The following SYTL3 variants were observed in gnomAD, a reference collection of about 807,000 sequenced individuals.
SYTL3 encodes synaptotagmin like 3.
In SYTL3, 88 loss-of-function variants were observed where a neutral mutation model predicts 82.1. The ratio of observed to expected loss-of-function variants is 1.07; its 90% CI spans 0.90 to 1.28. The LOEUF is 1.28. Among genes scored for constraint, SYTL3 ranks in the 50% most tolerant of loss-of-function variants. SYTL3 has a pLI of 0.00. For missense variants in SYTL3, 831 were observed against 757.6 expected (o/e 1.10, Z -1.14); for synonymous variants, 311 against 289.4 (o/e 1.07, Z -0.76).
chr6:158,725,316 TGTGTGTGTGC>T (rs1323021462), intron 10 of SYTL3, among the ~76,000 whole-genome samples, 177 bp from the exon 11 acceptor site: 1 of 151,798 alleles, frequency 6.6e-6, no homozygotes, highest in Non-Finnish European at 1.5e-5. Context: ...GCGTGTGTGG[TGTGTGTGTGC>T]GTGTGTGTGT....
rs1029757485 is a variant in SYTL3, at chr6:158,760,535, G to T, written c.1309-105G>T. ...CCTGCTCCACCCAGGGCCTTGCAGG[G>T]GCCAGGGGGAAGCATCTGTGGACGA... On this transcript the variant is annotated intron_variant, in intron 14 of 17. Transcript: ENST00000611299. The T allele has an allele frequency of 4.8e-5, 45 of 945,746 alleles. 1 individual carries two copies. The highest frequency in any genetic ancestry group is 6.5e-5 in the Non-Finnish European group (38 of 584,576). 58.6% of individuals were successfully genotyped at this position (945,746 alleles called of 1,614,324 possible). A position where few individuals can be genotyped will look rare whatever the true frequency, so the allele number is the denominator to read the frequency against.
At chr6:158,750,152 A>G (rs1336500495) in intron 12 of SYTL3, among the ~76,000 whole-genome samples, 1 of 152,262 alleles carries the variant, frequency 6.6e-6, no homozygotes, top group Non-Finnish European at 1.5e-5. Context: ...GGAAGAATGT[A>G]TACAGAATGA....
At chr6:158,701,174 A>ACTGTCTGGG (rs1174100414) in intron 6 of SYTL3, among the ~76,000 whole-genome samples, 3 of 129,536 alleles carry the variant, frequency 2.3e-5, no homozygotes, top group Non-Finnish European at 3.3e-5. Flanking sequence ...TAGATGAAGG[A>ACTGTCTGGG]GGTGAGCTGG....
chr6:158,655,361 A>G (rs1386481886), intron 2 of SYTL3, among the ~76,000 whole-genome samples: 1 of 152,104 alleles, frequency 6.6e-6, no homozygotes, highest in Non-Finnish European at 1.5e-5. Context: ...CCGTGTCGCA[A>G]TATTCTTCAG....
chr6:158,653,953 C>T (rs916139648), intron 2 of SYTL3, among the ~76,000 whole-genome samples: 1 of 152,180 alleles, frequency 6.6e-6, no homozygotes, highest in Non-Finnish European at 1.5e-5. Flanking sequence ...ACAATGTGTC[C>T]CTTTCCCATC....
At chr6:158,660,024 C>G (rs1404971667) in intron 2 of SYTL3, among the ~76,000 whole-genome samples, 1 of 152,088 alleles carries the variant, frequency 6.6e-6, no homozygotes, top group Admixed American at 6.6e-5. Flanking sequence ...CCTATAATCC[C>G]AACACTTTGG....
intron 6 of SYTL3, among the ~76,000 whole-genome samples, chr6:158,700,702 C>T (rs1043593126): frequency 3.3e-5 from 5 of 152,112 alleles, no homozygotes; most frequent in East Asian, 3.9e-4. Flanking sequence ...CTGCAAGGTC[C>T]GCCTCCTGGG....
intron 12 of SYTL3, among the ~76,000 whole-genome samples, chr6:158,749,130 C>T (rs536135718): frequency 6.6e-6 from 1 of 151,952 alleles, no homozygotes; most frequent in African/African-American, 2.4e-5. Flanking sequence ...GAGGCTGAGG[C>T]AGGAGAATTG....
chr6:158,645,319 T>A (rs114480233), upstream of SYTL3, among the ~76,000 whole-genome samples: 3 of 152,172 alleles, frequency 2.0e-5, 1 homozygote, highest in Admixed American at 2.0e-4. Context: ...ACTTCCTGAC[T>A]ACCTTAACCA....
intron 11 of SYTL3, among the ~76,000 whole-genome samples, chr6:158,744,885 G>T (rs1787415891): frequency 6.6e-6 from 1 of 152,164 alleles, no homozygotes; most frequent in South Asian, 2.1e-4. Context: ...AGACTGTGAT[G>T]ATAGTTTTAT....
chr6:158,764,529 A>G lies in SYTL3; in HGVS notation c.1758A>G (p.Ser586=). 1 of 1,614,000 alleles carries G rather than the reference A, an allele frequency of 6.2e-7. No individual in the cohort carries two copies. The highest frequency in any genetic ancestry group is 2.2e-5 in the East Asian group (1 of 44,870). The change falls in exon 18 of 18, where the codon TCA becomes TCG. Residue 586 remains serine, a synonymous_variant. Coordinates refer to ENST00000611299, the MANE Select transcript of SYTL3 (RefSeq NM_001242394.2). ...CAGCTGTTGGCGGGGATGCATGCTC[A>G]CTATCGAAGCTCCAGTGGCAGAAAG... ...GDTAVGGDAC[S]LSKLQWQKVL...
chr6:158,706,595 C>T (rs538979729), intron 6 of SYTL3, among the ~76,000 whole-genome samples: 24 of 152,248 alleles, frequency 1.6e-4, no homozygotes, highest in Admixed American at 1.4e-3. Context: ...CCCTGCTGGA[C>T]GAGGACTGGT....
chr6:158,670,366 G>A (rs1392279130), intron 5 of SYTL3, among the ~76,000 whole-genome samples: 2 of 152,242 alleles, frequency 1.3e-5, no homozygotes, highest in African/African-American at 4.8e-5. Context: ...TGAATGCCAA[G>A]TGTGATACAG....
At chr6:158,708,997 G>A (rs1782446237) in intron 8 of SYTL3, among the ~76,000 whole-genome samples, 1 of 152,204 alleles carries the variant, frequency 6.6e-6, no homozygotes, top group South Asian at 2.1e-4. Flanking sequence ...AGCACTTTGG[G>A]AGGCCGAGGT....
chr6:158,730,892 G>A (rs907064717), intron 11 of SYTL3, among the ~76,000 whole-genome samples: 2 of 152,224 alleles, frequency 1.3e-5, no homozygotes, highest in South Asian at 2.1e-4. Flanking sequence ...GGGGTGGGGC[G>A]GTGAAGTATT....
At chr6:158,674,020 G>A (rs1390550334) in intron 5 of SYTL3, among the ~76,000 whole-genome samples, 1 of 150,492 alleles carries the variant, frequency 6.6e-6, no homozygotes, top group Non-Finnish European at 1.5e-5. Context: ...AGAGTTGGAG[G>A]TTGCAATGAG....
rs752033409 is a variant in SYTL3 at position 158,763,369 on chromosome 6, G to GC, written c.1588dup (p.Gln530ProfsTer84). Reference sequence around the variant, plus strand: ...TCGCCAGTCCTGAGGAAGCAGGCTTGCCCCCAGTGGAAACACTCATTTGTC... The same window carrying GC: ...TCGCCAGTCCTGAGGAAGCAGGCTTGCCCCCCAGTGGAAACACTCATTTGTC... On this transcript the variant is annotated frameshift_variant, in exon 17 of 18. Coordinates refer to ENST00000611299, the MANE Select transcript of SYTL3 (RefSeq NM_001242394.2). LOFTEE classifies it high-confidence loss of function. 20 of 1,614,062 alleles carry GC rather than the reference G, an allele frequency of 1.2e-5. No homozygotes were observed. The Admixed American group carries it at 1.3e-4, about 11-fold the overall frequency.
intron 9 of SYTL3, among the ~76,000 whole-genome samples, chr6:158,715,671 G>T (rs1192997595): frequency 1.6e-4 from 9 of 54,776 alleles, no homozygotes; most frequent in Non-Finnish European, 3.4e-4. Context: ...CTGCCCAGAG[G>T]CAGAGATAGA....
intron 6 of SYTL3, among the ~76,000 whole-genome samples, chr6:158,690,141 A>G (rs1337426972): frequency 6.6e-6 from 1 of 152,230 alleles, no homozygotes; most frequent in Non-Finnish European, 1.5e-5. Context: ...CTCATAGAGG[A>G]CACACGGTGC....
Sources: gnomAD v4.1 joint callset for allele counts (sites outside exome capture counted in the v4.1 genomes callset) on GRCh38, gnomAD v4.1.1 for gene constraint, MANE v1.5 for transcripts, NCBI Gene and HGNC (gene_info 2026-07-23, HGNC 2026-07-21) for gene names.